RNF44: variants seen among roughly 807,000 people sequenced by gnomAD.
The protein encoded by RNF44 is ring finger protein 44.
RNF44 carries 25 observed loss-of-function variants against 53.6 expected under a neutral mutation model. That is an observed-to-expected ratio of 0.47 (90% confidence interval 0.34 to 0.65). The LOEUF (loss-of-function observed/expected upper bound fraction) is 0.65, where lower values mean the gene tolerates loss of function less well. Ranked by LOEUF, RNF44 falls within the 30% of genes least tolerant of loss-of-function variation. The pLI is 0.01. For synonymous variants in RNF44, 282 were observed against 252.2 expected (o/e 1.12, Z -1.12); for missense variants, 581 against 595.5 (o/e 0.98, Z 0.25).
chr5:176,531,492 G>T lies in RNF44; in HGVS notation c.436C>A (p.His146Asn). The T allele has an allele frequency of 6.3e-7, 1 of 1,583,772 alleles. No homozygotes were observed. Among genetic ancestry groups the T allele is most frequent in the Non-Finnish European group, 8.6e-7 (1 of 1,165,458 alleles). The change falls in exon 4 of 11, where the codon CAT becomes AAT. Residue 146 changes from histidine (H) to asparagine (N), a missense_variant. Physicochemically the swap from His to Asn is moderately conservative, Grantham distance 68. Transcript: ENST00000274811. This position sits in a 1 kb window ranked among gnomAD's most constrained non-coding sequence, Gnocchi z 4.2. ...PACSVMFSGQ[H>N]YPLCCLPPPL... ...GGCGGGAGGCAGCAGAGGGGGTAAT[G>T]CTGCCCACTGAACATCACGGAGCAT...
chr5:176,536,645 A>G (rs1039951864), intron 1 of RNF44, among the ~76,000 whole-genome samples: 1 of 152,008 alleles, frequency 6.6e-6, no homozygotes, highest in Non-Finnish European at 1.5e-5. Flanking sequence ...ATCCCGGACC[A>G]TGTGCTCGGC....
chr5:176,531,618 G>T lies in RNF44; in HGVS notation c.310C>A (p.Pro104Thr). 1.2e-6 allele frequency: 2 copies of T among 1,611,182 alleles called. No individual in the cohort carries two copies. The highest frequency in any genetic ancestry group is 2.2e-5 in the South Asian group (2 of 90,894). Residue 104 changes from proline (P) to threonine (T), a missense_variant, in exon 4 of 11, where the codon CCT (proline) becomes ACT (threonine). Physicochemically the swap from Pro to Thr is conservative, Grantham distance 38. This residue lies in a region of RNF44 where 387 missense variants were observed against 366.0 expected (regional missense o/e 1.06). Transcript: ENST00000274811. The surrounding 1 kb of genome is among the most constrained non-coding windows in gnomAD (Gnocchi z 4.2). ...GTGACCGTGTAGGACAGAGGGACAG[G>T]TCCCTGGTGCACCTGTGGGTGGAGA... ...VDLHEQVHQGPVPLSYTVTTV... is the reference protein window; with the variant it reads ...VDLHEQVHQGTVPLSYTVTTV...
chr5:176,530,579 C>T lies in RNF44; in HGVS notation c.801+3G>A. ...CCCAGGTGGGGGTCGGGGTGGCACT[C>T]ACCACACCAAAGGACAGCTCCTGGT... is the stretch of plus-strand genomic sequence containing the variant. On this transcript the variant is annotated splice_donor_region_variant and intron_variant, in intron 6 of 10. Transcript: ENST00000274811. 2 of 1,445,374 alleles carry T rather than the reference C, an allele frequency of 1.4e-6. No homozygotes were observed. The highest frequency in any genetic ancestry group is 1.8e-6 in the Non-Finnish European group (2 of 1,104,096). 89.5% of individuals were successfully genotyped at this position (1,445,374 alleles called of 1,614,324 possible).
upstream of RNF44, among the ~76,000 whole-genome samples, chr5:176,539,235 C>A (rs557127242): frequency 6.6e-6 from 1 of 152,208 alleles, no homozygotes; most frequent in African/African-American, 2.4e-5. Flanking sequence ...CTCCCTGGAA[C>A]GCCAAACTCT....
chr5:176,529,475 G>A (rs766070373), intron 9 of RNF44, 48 bp downstream of exon 9: 23 of 1,608,876 alleles, frequency 1.4e-5, no homozygotes, highest in Admixed American at 1.0e-4. Context: ...GGCGTCCCAC[G>A]GCAGCCAGCT....
chr5:176,527,780 G>C lies in RNF44; in HGVS notation c.*1248C>G, dbSNP rs1262910182. The C allele has an allele frequency of 6.6e-6, 1 of 152,400 alleles. No homozygotes were observed. The highest frequency in any genetic ancestry group is 1.5e-5 in the Non-Finnish European group (1 of 68,138). 9.4% of individuals were successfully genotyped at this position (152,400 alleles called of 1,614,324 possible). A position where few individuals can be genotyped will look rare whatever the true frequency, so the allele number is the denominator to read the frequency against. ...CCAGGGAAAGTGGGTGGGAAGCTCA[G>C]CCAGACCCTACAGCGGCCTCCTCCA... On this transcript the variant is annotated 3_prime_UTR_variant, in exon 11 of 11. Coordinates refer to ENST00000274811, the MANE Select transcript of RNF44 (RefSeq NM_014901.5).
Position 176,530,924 on chromosome 5 carries a change from G to T in RNF44, c.563C>A (p.Pro188Gln). The change falls in exon 5 of 11, where the codon CCG (proline) becomes CAG (glutamine). Residue 188 changes from proline (P) to glutamine (Q), a missense_variant. Physicochemically the swap from Pro to Gln is moderately conservative, Grantham distance 76. Transcript: ENST00000274811. ...SDHYILHPPP[P>Q]APPPQPTHMA... ...GTGGGTGGGCTGGGGGGGTGGGGCC[G>T]GTGGTGGGGGGTGCAGGATGTAGTG... 7.1e-7 allele frequency: 1 copy of T among 1,405,278 alleles called. No individual in the cohort carries two copies. The highest frequency in any genetic ancestry group is 9.4e-7 in the Non-Finnish European group (1 of 1,064,334). 87.1% of individuals were successfully genotyped at this position (1,405,278 alleles called of 1,614,324 possible). A position where few individuals can be genotyped will look rare whatever the true frequency, so the allele number is the denominator to read the frequency against.
chr5:176,536,596 A>C (rs997129856), intron 1 of RNF44, among the ~76,000 whole-genome samples: 4 of 152,198 alleles, frequency 2.6e-5, no homozygotes, highest in African/African-American at 9.6e-5. Flanking sequence ...GCGAGACTGC[A>C]GCGCAGGGGC....
Position 176,531,277 on chromosome 5 carries a change from C to G in RNF44, c.465+186G>C, listed in dbSNP as rs1035669948. Among the ~76,000 whole-genome samples the G allele has an allele frequency of 6.6e-6, 1 of 152,234 alleles. No homozygotes were observed. The highest frequency in any genetic ancestry group is 1.5e-5 in the Non-Finnish European group (1 of 68,046). ...ACAGGGGTACTGGAAGGTTCCTGAA[C>G]CTTGAAACACTCTATTACCAAATGT... On this transcript the variant is annotated intron_variant, in intron 4 of 10. Transcript: ENST00000274811. The surrounding 1 kb of genome is among the most constrained non-coding windows in gnomAD (Gnocchi z 4.2).
At chr5:176,529,666 G>T in intron 8 of RNF44, 22 bp from the exon 9 acceptor site, 1 of 1,613,028 alleles carries the variant, frequency 6.2e-7, no homozygotes, top group Non-Finnish European at 8.5e-7. Context: ...CAGGAGACGG[G>T]GTCAGCGGCG....
At position 176,527,396 on chromosome 5, in the gene RNF44, G is replaced by A. The variant is rs1254034161; in HGVS notation, c.*1632C>T. ...ACAATCTGTGAGCCTGTTTCCGCCT[G>A]CCCCAGGAACTGTAAGGGGTTTGAA... On this transcript the variant is annotated 3_prime_UTR_variant, in exon 11 of 11. Coordinates refer to ENST00000274811, the MANE Select transcript of RNF44 (RefSeq NM_014901.5). 1 of 152,594 alleles carries A rather than the reference G, an allele frequency of 6.6e-6. No homozygotes were observed. The highest frequency in any genetic ancestry group is 1.5e-5 in the Non-Finnish European group (1 of 68,036). 9.5% of individuals were successfully genotyped at this position (152,594 alleles called of 1,614,324 possible).
At chr5:176,541,361 G>T (rs1316379411), upstream of RNF44, among the ~76,000 whole-genome samples, 1 of 152,164 alleles carries the variant, frequency 6.6e-6, no homozygotes, top group Non-Finnish European at 1.5e-5. Flanking sequence ...GCAAACCTGG[G>T]ATCCCATTCT....
In RNF44 at chr5:176,532,448, TCACTGCC is replaced by T. The variant is rs1480878502; in HGVS notation, c.18_24del (p.Ala7LeufsTer59). The T allele has an allele frequency of 9.0e-6, 14 of 1,553,942 alleles. No homozygotes were observed. Among genetic ancestry groups the T allele is most frequent in the African/African-American group, 6.9e-5 (5 of 72,504 alleles). ...ACGGGGGCGGAGGGTGGCCACCTAG[TCACTGCC>T]AGAGCCCATGGTCGCATCGGGGGGG... On this transcript the variant is annotated frameshift_variant, in exon 2 of 11. Transcript: ENST00000274811. LOFTEE classifies it high-confidence loss of function.
chr5:176,543,120 C>T, the RNF44 span, among the ~76,000 whole-genome samples: 60 of 151,422 alleles, frequency 4.0e-4, no homozygotes, highest in East Asian at 2.7e-3. This position sits in a 1 kb window ranked among gnomAD's most constrained non-coding sequence, Gnocchi z 4.0. Context: ...ACTGCGAGCT[C>T]CCGCCGTGCG....
In RNF44 at chr5:176,530,909, T is replaced by TTGGGGGGGGGGGG; in HGVS notation, c.577_578insCCCCCCCCCCCCA (p.Gln193ProfsTer143). On this transcript the variant is annotated frameshift_variant, in exon 5 of 11. Coordinates refer to ENST00000274811, the MANE Select transcript of RNF44 (RefSeq NM_014901.5). LOFTEE classifies it high-confidence loss of function. ...CCCCAGGGGCGCCATGTGGGTGGGC[T>TTGGGGGGGGGGGG]GGGGGGGTGGGGCCGGTGGTGGGGG... 9.6e-6 allele frequency: 1 copy of TTGGGGGGGGGGGG among 104,564 alleles called. No individual in the cohort carries two copies. The highest frequency in any genetic ancestry group is 1.7e-5 in the Non-Finnish European group (1 of 57,828). 6.5% of individuals were successfully genotyped at this position (104,564 alleles called of 1,614,324 possible). A position where few individuals can be genotyped will look rare whatever the true frequency, so the allele number is the denominator to read the frequency against.
Position 176,537,159 on chromosome 5 carries a change from GCCCA to G in RNF44, c.-268_-265del, listed in dbSNP as rs1757276301. On this transcript the variant is annotated 5_prime_UTR_variant, in exon 1 of 11. Transcript: ENST00000274811. ...CGCCCGACGGCGTCTGCCTCGCGAG[GCCCA>G]CGCGCGATCAGTCTCTCTCGGCCCA... The G allele has an allele frequency of 6.6e-6, 1 of 152,270 alleles. No individual in the cohort carries two copies. The highest frequency in any genetic ancestry group is 1.5e-5 in the Non-Finnish European group (1 of 68,082). The allele number at this position is 152,270 out of a possible 1,614,324, so 9.4% of individuals were successfully genotyped here.
chr5:176,541,193 G>A (rs1757440393), upstream of RNF44, among the ~76,000 whole-genome samples: 1 of 152,180 alleles, frequency 6.6e-6, no homozygotes, highest in South Asian at 2.1e-4. Context: ...GGTTCTATGG[G>A]GGAAATGGGG....
Position 176,529,598 on chromosome 5 carries a change from C to G in RNF44, c.1061G>C (p.Gly354Ala), listed in dbSNP as rs1049985622. 7 of 1,614,000 alleles carry G rather than the reference C, an allele frequency of 4.3e-6. No homozygotes were observed. Among genetic ancestry groups the G allele is most frequent in the Non-Finnish European group, 5.9e-6 (7 of 1,180,030 alleles). The change falls in exon 9 of 11, where the codon GGT (glycine) becomes GCT (alanine). Residue 354 changes from glycine (G) to alanine (A), a missense_variant. Gly to Ala is a moderately conservative substitution (Grantham distance 60). Around this residue, in one of 3 missense-constraint regions of RNF44, gnomAD observed 183 missense variants for 198.6 expected, o/e 0.92. Coordinates refer to ENST00000274811, the MANE Select transcript of RNF44 (RefSeq NM_014901.5). The part of the protein sequence containing the change: ...AERLGDAKPR[G>A]LTKADIEQLP... ...CTGCTCTATGTCTGCTTTGGTGAGACCCCGGGGCTTGGCATCTCCCAGCCG... is the reference window on the plus strand; with the variant it reads ...CTGCTCTATGTCTGCTTTGGTGAGAGCCCGGGGCTTGGCATCTCCCAGCCG...
At position 176,530,650 on chromosome 5, in the gene RNF44, G is replaced by C. The variant is rs767837999; in HGVS notation, c.733C>G (p.Leu245Val). 2.0e-6 allele frequency: 3 copies of C among 1,531,090 alleles called. No homozygotes were observed. The highest frequency in any genetic ancestry group is 1.8e-6 in the Non-Finnish European group (2 of 1,141,508). The allele number at this position is 1,531,090 out of a possible 1,614,324, so 94.8% of individuals were successfully genotyped here. A position where few individuals can be genotyped will look rare whatever the true frequency, so the allele number is the denominator to read the frequency against. ...TAGTGCAGGGGCACCGACGGGGAAA[G>C]GGCTGGGCCAGGCGCAGAGGTGGAG... ...TYSTSAPGPA[L>V]SPSVPLHYLP... Residue 245 changes from leucine to valine, a missense_variant, in exon 6 of 11, where the codon CTT (leucine) becomes GTT (valine). Physicochemically the swap from Leu to Val is conservative, Grantham distance 32. Transcript: ENST00000274811.
Sources: allele counts gnomAD v4.1 joint callset (sites outside exome capture counted in the v4.1 genomes callset), GRCh38; gene constraint gnomAD v4.1.1; regional missense constraint gnomAD v4.1.1; non-coding constraint Gnocchi (gnomAD v3.1); transcripts MANE v1.5; gene names NCBI Gene and HGNC (gene_info 2026-07-23, HGNC 2026-07-21).